Variants in GRIK1 observed in about 807,000 individuals in gnomAD.
GRIK1 encodes the protein glutamate receptor ionotropic, kainate 1.
A neutral mutation model predicts 105.7 loss-of-function variants in GRIK1; 69 were observed. The observed-to-expected ratio is 0.65, with a 90% CI of 0.54 to 0.80. The LOEUF is 0.80. Among genes scored for constraint, GRIK1 ranks in the 30% least tolerant of loss-of-function variants. The probability of loss-of-function intolerance (pLI) is 0.00; values close to 1 mark genes in which losing one functional copy is unlikely to be tolerated. For missense variants in GRIK1, 1,109 were observed against 1,167.3 expected, an observed-to-expected ratio of 0.95 and a Z score of 0.73; for synonymous variants, 438 against 431.3, an observed-to-expected ratio of 1.02 and a Z score of -0.19.
At chr21:29,883,321 G>T (rs923857673) in intron 1 of GRIK1, among the ~76,000 whole-genome samples, 1 of 152,034 alleles carries the variant, frequency 6.6e-6, no homozygotes, top group African/African-American at 2.4e-5. Flanking sequence ...ATAGAGGCTG[G>T]TGAGTCAAAT....
chr21:29,600,357 A>G (rs1979482910), intron 7 of GRIK1, among the ~76,000 whole-genome samples: 1 of 152,216 alleles, frequency 6.6e-6, no homozygotes, highest in Admixed American at 6.5e-5. Context: ...TGCCTTTCAC[A>G]GAACTCACAT....
intron 1 of GRIK1, among the ~76,000 whole-genome samples, chr21:29,763,329 C>A (rs1211109181): frequency 6.6e-6 from 1 of 152,030 alleles, no homozygotes; most frequent in Non-Finnish European, 1.5e-5. Context: ...GAGGCTTCCC[C>A]AGCCATATGA....
intron 1 of GRIK1, among the ~76,000 whole-genome samples, chr21:29,916,924 A>G (rs995613077): frequency 6.6e-6 from 1 of 152,004 alleles, no homozygotes; most frequent in East Asian, 1.9e-4. Flanking sequence ...CTTTTATGTA[A>G]CATTATAGAT....
intron 16 of GRIK1, 135 bp downstream of exon 16, chr21:29,554,917 G>T: frequency 1.5e-6 from 1 of 675,402 alleles, no homozygotes; most frequent in Non-Finnish European, 2.5e-6. Context: ...ATAGCTCTCT[G>T]CTCTAACTCA....
chr21:29,786,944 T>C (rs1008409931), intron 1 of GRIK1, among the ~76,000 whole-genome samples: 6 of 152,160 alleles, frequency 3.9e-5, no homozygotes, highest in African/African-American at 1.4e-4. Context: ...ACACTAAGGG[T>C]CACTAAACCC....
intron 1 of GRIK1, among the ~76,000 whole-genome samples, chr21:29,768,977 G>A (rs574129155): frequency 1.7e-4 from 26 of 152,300 alleles, no homozygotes; most frequent in African/African-American, 6.0e-4. Flanking sequence ...AGCATTTAGC[G>A]TAGTCTTAAG....
intron 4 of GRIK1, among the ~76,000 whole-genome samples, chr21:29,672,703 T>C (rs977387268): frequency 6.6e-6 from 1 of 152,124 alleles, no homozygotes; most frequent in Non-Finnish European, 1.5e-5. Flanking sequence ...CTCAAAATGA[T>C]GTCCTTCTCT....
intron 1 of GRIK1, among the ~76,000 whole-genome samples, chr21:29,915,339 T>C (rs2070958784): frequency 6.6e-6 from 1 of 152,022 alleles, no homozygotes; most frequent in Non-Finnish European, 1.5e-5. Flanking sequence ...AGATTCACAG[T>C]TGCTCTAAAC....
At chr21:29,597,625 GC>G (rs2061440343) in intron 8 of GRIK1, 3 of 465,782 alleles carry the variant, frequency 6.4e-6, no homozygotes, top group Non-Finnish European at 1.3e-5. Flanking sequence ...CTCTATCAGG[GC>G]ATGTCAGACC....
rs2070618281 is a variant in GRIK1, at chr21:29,905,904, A to T, written c.118+33479T>A. Among the ~76,000 whole-genome samples the T allele has an allele frequency of 2.6e-5, 4 of 152,110 alleles. No individual in the cohort carries two copies. In the South Asian group the frequency reaches 8.3e-4, roughly 32 times the overall value. Reference sequence around the variant, plus strand: ...CGGCCTCCCAAAGTGCTGGGATTACAGGCGTGAGCCACCGCACCTGGCCCA... The same window carrying T: ...CGGCCTCCCAAAGTGCTGGGATTACTGGCGTGAGCCACCGCACCTGGCCCA... On this transcript the variant is annotated intron_variant, in intron 1 of 17. Transcript: ENST00000327783.
chr21:29,558,345 AATAT>A (rs67103720), intron 15 of GRIK1, among the ~76,000 whole-genome samples: 2 of 149,302 alleles, frequency 1.3e-5, no homozygotes, highest in Non-Finnish European at 3.0e-5. Context: ...TGTCACTTGA[AATAT>A]ATATATATAT....
intron 4 of GRIK1, among the ~76,000 whole-genome samples, chr21:29,656,785 AC>A (rs1490203151): frequency 6.6e-6 from 1 of 152,246 alleles, no homozygotes; most frequent in Non-Finnish European, 1.5e-5. Flanking sequence ...AGATGACAGC[AC>A]ATAACTGCAT....
intron 12 of GRIK1, 54 bp downstream of exon 12, chr21:29,587,312 A>G: frequency 1.7e-6 from 2 of 1,153,788 alleles, no homozygotes; most frequent in Non-Finnish European, 2.6e-6. Context: ...TGGGACATAC[A>G]GAAATCTGAG....
At chr21:29,674,933 C>T (rs950510955) in intron 3 of GRIK1, among the ~76,000 whole-genome samples, 4 of 152,136 alleles carry the variant, frequency 2.6e-5, no homozygotes, top group Admixed American at 6.5e-5. Flanking sequence ...AACTGAAGTC[C>T]CTCAGGTACT....
At position 29,596,561 on chromosome 21, in the gene GRIK1, C is replaced by T. The variant is rs371401872; in HGVS notation, c.1216G>A (p.Glu406Lys). The T allele has an allele frequency of 3.0e-5, 48 of 1,608,280 alleles. No individual in the cohort carries two copies. The highest frequency in any genetic ancestry group is 8.0e-5 in the African/African-American group (6 of 74,780). The change falls in exon 9 of 18, where the codon GAA becomes AAA. Residue 406 changes from glutamate (E) to lysine (K), a missense_variant. By Grantham distance (56) the Glu-to-Lys change is moderately conservative. Around this residue, in one of 5 missense-constraint regions of GRIK1, gnomAD observed 612 missense variants for 586.0 expected, o/e 1.04. Transcript: ENST00000327783. ...ACTTTATACAAGTGTTTAGACACTT[C>T]GCCAGCAGCCTTGGTTTTCAGAGAG... ...KEEGTEKAAGEVSKHLYKVWK... is the reference protein window; with the variant it reads ...KEEGTEKAAGKVSKHLYKVWK...
intron 1 of GRIK1, among the ~76,000 whole-genome samples, chr21:29,929,176 C>T (rs1351505741): frequency 1.3e-5 from 2 of 152,104 alleles, no homozygotes; most frequent in Non-Finnish European, 2.9e-5. Flanking sequence ...CACTAGTCTC[C>T]GATAAAGGGT....
chr21:29,584,402 T>C (rs929334481), intron 12 of GRIK1, among the ~76,000 whole-genome samples: 2 of 152,214 alleles, frequency 1.3e-5, no homozygotes, highest in Non-Finnish European at 2.9e-5. Flanking sequence ...TCTGGATATT[T>C]GATCTATTTA....
At chr21:29,917,131 C>T (rs1325641660) in intron 1 of GRIK1, among the ~76,000 whole-genome samples, 2 of 151,956 alleles carry the variant, frequency 1.3e-5, no homozygotes, top group Non-Finnish European at 2.9e-5. Context: ...CGCTTGCACA[C>T]CTAAATACTT....
At chr21:29,604,974 G>A (rs2061584420) in intron 7 of GRIK1, among the ~76,000 whole-genome samples, 1 of 151,998 alleles carries the variant, frequency 6.6e-6, no homozygotes, top group Non-Finnish European at 1.5e-5. Flanking sequence ...CCTAACTCTG[G>A]GCTCTTATGA....
Sources: allele counts gnomAD v4.1 joint callset (sites outside exome capture counted in the v4.1 genomes callset), GRCh38; gene constraint gnomAD v4.1.1; regional missense constraint gnomAD v4.1.1; transcripts MANE v1.5; gene names NCBI Gene and HGNC (gene_info 2026-07-23, HGNC 2026-07-21).